The following ARID1B variants were observed in gnomAD, a reference collection of about 807,000 sequenced individuals.
The protein encoded by ARID1B is AT-rich interaction domain 1B, also known as AT-rich interactive domain-containing protein 1B.
In ARID1B, 30 loss-of-function variants were observed where a neutral mutation model predicts 212.3. The observed-to-expected ratio is 0.14, with a 90% CI of 0.11 to 0.19. The LOEUF (loss-of-function observed/expected upper bound fraction) is 0.19. ARID1B is among the 10% of genes least tolerant of loss of function. The pLI is 1.00. For missense variants in ARID1B, 2,891 were observed against 3,204.0 expected (o/e 0.90, Z 2.36); for synonymous variants, 1,402 against 1,301.7 (o/e 1.08, Z -1.66).
intron 5 of ARID1B, among the ~76,000 whole-genome samples, chr6:157,106,519 A>G (rs1414788348): frequency 6.6e-6 from 1 of 152,170 alleles, no homozygotes; most frequent in East Asian, 1.9e-4. Flanking sequence ...AGAGAAGCCT[A>G]TTTCCTAGAA....
At chr6:156,785,517 AT>A (rs1418615010) in intron 1 of ARID1B, among the ~76,000 whole-genome samples, 3 of 150,100 alleles carry the variant, frequency 2.0e-5, no homozygotes, top group African/African-American at 7.6e-5. Context: ...AAAAAATTAA[AT>A]ATATGGTTTT....
intron 2 of ARID1B, among the ~76,000 whole-genome samples, chr6:156,863,528 G>A (rs1044623674): frequency 2.0e-5 from 3 of 152,064 alleles, no homozygotes; most frequent in African/African-American, 7.2e-5. Context: ...TATTGGTTGT[G>A]GATACTTGAG....
intron 7 of ARID1B, among the ~76,000 whole-genome samples, chr6:157,136,421 C>T (rs1166667897): frequency 6.6e-6 from 1 of 152,138 alleles, no homozygotes; most frequent in Non-Finnish European, 1.5e-5. Context: ...GGGCCTCTCG[C>T]GTGGTCATTG....
chr6:157,008,571 T>G lies in ARID1B; in HGVS notation c.2247+72995T>G, dbSNP rs144829804. ...TTAACTCAGACATCATTCTCTGACT[T>G]GGACACCTAATCACTGTGATTGCGA... On this transcript the variant is annotated intron_variant, in intron 4 of 19. Coordinates refer to ENST00000636930, the MANE Select transcript of ARID1B (RefSeq NM_001374828.1). Among the ~76,000 whole-genome samples, 671 of 152,310 alleles carry G rather than the reference T, an allele frequency of 4.4e-3. 5 individuals are homozygous for G. Among genetic ancestry groups the G allele is most frequent in the African/African-American group, 0.015 (639 of 41,560 alleles).
chr6:156,953,725 C>A (rs1793757189), intron 4 of ARID1B, among the ~76,000 whole-genome samples: 2 of 152,286 alleles, frequency 1.3e-5, no homozygotes, highest in Non-Finnish European at 2.9e-5. Context: ...TGCTGGAAGT[C>A]TGAAATTACA....
intron 4 of ARID1B, among the ~76,000 whole-genome samples, chr6:157,056,060 A>G (rs1782935747): frequency 6.6e-6 from 1 of 152,106 alleles, no homozygotes; most frequent in Non-Finnish European, 1.5e-5. Context: ...CTGATTAGGG[A>G]CCTTAATTAC....
chr6:156,799,420 T>G (rs144879371), intron 1 of ARID1B, among the ~76,000 whole-genome samples: 1 of 152,336 alleles, frequency 6.6e-6, no homozygotes, highest in East Asian at 1.9e-4. Flanking sequence ...TGAATTTACA[T>G]TGTGAAAGGT....
At chr6:156,798,442 G>A (rs1019488349) in intron 1 of ARID1B, among the ~76,000 whole-genome samples, 2 of 152,248 alleles carry the variant, frequency 1.3e-5, no homozygotes, top group Admixed American at 6.5e-5. Flanking sequence ...CTAAGGTAAC[G>A]TACAACGAAG....
intron 2 of ARID1B, among the ~76,000 whole-genome samples, chr6:156,844,909 A>G (rs2128094719): frequency 6.6e-6 from 1 of 152,326 alleles, no homozygotes; most frequent in East Asian, 1.9e-4. Context: ...ATACATCACC[A>G]GTTTATCCTC....
At chr6:156,883,955 C>T (rs374031628) in intron 2 of ARID1B, among the ~76,000 whole-genome samples, 4 of 152,158 alleles carry the variant, frequency 2.6e-5, no homozygotes, top group South Asian at 4.1e-4. Flanking sequence ...TCGCGGGACC[C>T]TCATTTATTC....
In ARID1B at chr6:157,162,769, G is replaced by A. The variant is rs149176158; in HGVS notation, c.3090-4271G>A. Among the ~76,000 whole-genome samples the A allele has an allele frequency of 3.0e-3, 460 of 152,284 alleles. 1 individual carries two copies. Among genetic ancestry groups the A allele is most frequent in the Admixed American group, 4.8e-3 (73 of 15,302 alleles). ...CCCTGGCCCAGGCGAGCGCAGTGTC[G>A]GCATCCTGGGGTCTGGGGTCAACAC... On this transcript the variant is annotated intron_variant, in intron 8 of 19. Transcript: ENST00000636930.
rs1446499396 is a variant in ARID1B at position 156,778,756 on chromosome 6, C to T, written c.1076C>T (p.Ala359Val). 5 of 1,521,038 alleles carry T rather than the reference C, an allele frequency of 3.3e-6. No homozygotes were observed. In the East Asian group the frequency reaches 8.0e-5, roughly 24 times the overall value. The allele number at this position is 1,521,038 out of a possible 1,614,324, so 94.2% of individuals were successfully genotyped here. The part of the protein sequence containing the change: ...MHSASAAAAG[A>V]PGSMDPLQNS... ...TCCGCCTCCGCCGCCGCCGCCGGGGCCCCCGGCAGCATGGACCCCCTGCAG... is the reference window on the plus strand; with the variant it reads ...TCCGCCTCCGCCGCCGCCGCCGGGGTCCCCGGCAGCATGGACCCCCTGCAG... Residue 359 changes from alanine to valine, a missense_variant, in exon 1 of 20, where the codon GCC (alanine) becomes GTC (valine). Physicochemically the swap from Ala to Val is moderately conservative, Grantham distance 64. Transcript: ENST00000636930.
At chr6:157,162,588 C>T (rs1384890042) in intron 8 of ARID1B, among the ~76,000 whole-genome samples, 2 of 152,320 alleles carry the variant, frequency 1.3e-5, no homozygotes, top group East Asian at 3.9e-4. Flanking sequence ...AATAACCTGG[C>T]TTTGCTTATA....
chr6:156,860,898 CTGTT>C (rs1271635273), intron 2 of ARID1B, among the ~76,000 whole-genome samples: 1 of 152,150 alleles, frequency 6.6e-6, no homozygotes, highest in African/African-American at 2.4e-5. Flanking sequence ...TTTAAGCACT[CTGTT>C]TGTGCCAGAG....
intron 7 of ARID1B, among the ~76,000 whole-genome samples, chr6:157,142,125 T>C (rs928918713): frequency 6.6e-6 from 1 of 152,210 alleles, no homozygotes; most frequent in Admixed American, 6.5e-5. Context: ...AAGCCTATAC[T>C]GTGTGACTCC....
chr6:157,122,210 C>T (rs1328559188), intron 6 of ARID1B, among the ~76,000 whole-genome samples: 1 of 151,798 alleles, frequency 6.6e-6, no homozygotes, highest in Non-Finnish European at 1.5e-5. Flanking sequence ...GTCTTTAACA[C>T]AGGTCTCCAT....
chr6:157,114,488 C>T (rs1447136898), intron 6 of ARID1B, among the ~76,000 whole-genome samples: 2 of 134,088 alleles, frequency 1.5e-5, no homozygotes, highest in African/African-American at 5.8e-5. Context: ...CACGCCACTG[C>T]ACTCCAGCCT....
At chr6:156,942,720 G>T (rs59729213) in intron 4 of ARID1B, 3,088 of 152,012 alleles carry the variant, frequency 0.02, 94 homozygotes, top group African/African-American at 0.069. Context: ...TGTTGGGCTA[G>T]ATGCCACCAT....
chr6:156,808,304 A>G (rs987415235), intron 1 of ARID1B, among the ~76,000 whole-genome samples: 1 of 152,260 alleles, frequency 6.6e-6, no homozygotes. Context: ...GGTATAATGT[A>G]GATCTTAAAA....
Sources: gnomAD v4.1 joint callset for allele counts (sites outside exome capture counted in the v4.1 genomes callset) on GRCh38, gnomAD v4.1.1 for gene constraint, MANE v1.5 for transcripts, NCBI Gene and HGNC (gene_info 2026-07-23, HGNC 2026-07-21) for gene names.